The following SLC35F1 variants were observed in gnomAD, a reference collection of about 807,000 sequenced individuals.
SLC35F1 encodes the protein solute carrier family 35 member F1.
Under a neutral mutation model 48.7 loss-of-function variants are expected in SLC35F1, and 14 were observed. The observed-to-expected ratio is 0.29, with a 90% confidence interval of 0.19 to 0.45. SLC35F1 has a LOEUF of 0.45. SLC35F1 is among the 20% of genes least tolerant of loss of function. The probability of loss-of-function intolerance (pLI) is 1.00; values close to 1 mark genes in which losing one functional copy is unlikely to be tolerated. For missense variants in SLC35F1, 404 were observed against 500.0 expected, an observed-to-expected ratio of 0.81 and a Z score of 1.83; for synonymous variants, 190 against 202.2, an observed-to-expected ratio of 0.94 and a Z score of 0.51.
chr6:117,962,191 A>G (rs1395236126), intron 1 of SLC35F1, among the ~76,000 whole-genome samples: 2 of 152,216 alleles, frequency 1.3e-5, no homozygotes, highest in African/African-American at 4.8e-5. Context: ...AACCATATAC[A>G]AGAGGTGAGA....
At chr6:118,193,610 T>A (rs1774761954) in intron 2 of SLC35F1, among the ~76,000 whole-genome samples, 1 of 152,198 alleles carries the variant, frequency 6.6e-6, no homozygotes, top group African/African-American at 2.4e-5. Context: ...ATGTAAAAAT[T>A]TTTTTCAGTG....
At chr6:118,138,566 T>A (rs1773832775) in intron 1 of SLC35F1, among the ~76,000 whole-genome samples, 1 of 152,224 alleles carries the variant, frequency 6.6e-6, no homozygotes, top group Admixed American at 6.5e-5. Flanking sequence ...CCTTTTTCAC[T>A]GTGAGAACTT....
chr6:118,020,658 G>T (rs1422472664), intron 1 of SLC35F1, among the ~76,000 whole-genome samples: 1 of 152,172 alleles, frequency 6.6e-6, no homozygotes, highest in Non-Finnish European at 1.5e-5. Flanking sequence ...TCCCCTTATA[G>T]TACAGATGCA....
intron 7 of SLC35F1, among the ~76,000 whole-genome samples, chr6:118,287,462 C>G (rs1382692137): frequency 6.6e-6 from 1 of 152,204 alleles, no homozygotes; most frequent in African/African-American, 2.4e-5. Flanking sequence ...GCTGCAGTCA[C>G]TGCTTGGGCA....
intron 2 of SLC35F1, among the ~76,000 whole-genome samples, chr6:118,217,776 G>A (rs1775095025): frequency 6.6e-6 from 1 of 152,150 alleles, no homozygotes; most frequent in South Asian, 2.1e-4. Context: ...ATATAAAAGT[G>A]TCATTGCAAC....
At chr6:118,204,876 A>G (rs1024687925) in intron 2 of SLC35F1, among the ~76,000 whole-genome samples, 3 of 152,190 alleles carry the variant, frequency 2.0e-5, no homozygotes, top group Non-Finnish European at 4.4e-5. Context: ...CTGATTAGCC[A>G]CACTAAGCAT....
intron 2 of SLC35F1, among the ~76,000 whole-genome samples, chr6:118,206,874 G>A (rs1774943069): frequency 6.6e-6 from 1 of 152,062 alleles, no homozygotes; most frequent in South Asian, 2.1e-4. Context: ...TTAGCATTTA[G>A]AAAATTCAGG....
chr6:117,981,481 G>T (rs537638435), intron 1 of SLC35F1, among the ~76,000 whole-genome samples: 1 of 152,110 alleles, frequency 6.6e-6, no homozygotes, highest in Non-Finnish European at 1.5e-5. Context: ...TTGTCACAGT[G>T]CATGAGGGAG....
At chr6:118,208,059 CCT>C (rs376210173) in intron 2 of SLC35F1, among the ~76,000 whole-genome samples, 13 of 149,128 alleles carry the variant, frequency 8.7e-5, no homozygotes, top group East Asian at 2.0e-4. Context: ...GAGCCCCCCT[CCT>C]CTCTCTCTCT....
intron 1 of SLC35F1, among the ~76,000 whole-genome samples, chr6:118,084,041 G>A (rs563232331): frequency 6.6e-6 from 1 of 152,300 alleles, no homozygotes; most frequent in East Asian, 1.9e-4. Context: ...AGCCAGATGA[G>A]ATAGAAGTTT....
At chr6:118,278,324 C>G (rs1167424486) in intron 6 of SLC35F1, among the ~76,000 whole-genome samples, 1 of 152,164 alleles carries the variant, frequency 6.6e-6, no homozygotes, top group African/African-American at 2.4e-5. Context: ...AGGGAGGGGG[C>G]TACAGACTCT....
intron 1 of SLC35F1, among the ~76,000 whole-genome samples, chr6:118,005,413 A>AT (rs1777161215): frequency 1.3e-5 from 2 of 151,816 alleles, no homozygotes; most frequent in African/African-American, 2.4e-5. Context: ...TTCTTTATTT[A>AT]TTTTTTCTCT....
intron 7 of SLC35F1, among the ~76,000 whole-genome samples, chr6:118,310,706 T>G (rs1174312539): frequency 6.6e-6 from 1 of 152,120 alleles, no homozygotes; most frequent in Non-Finnish European, 1.5e-5. Flanking sequence ...TCCCATGCTA[T>G]CTATCTTTGG....
intron 1 of SLC35F1, among the ~76,000 whole-genome samples, chr6:117,923,718 CAT>C (rs200367846): frequency 0.098 from 723 of 7,386 alleles, 278 homozygotes; most frequent in East Asian, 0.21. Context: ...TACATATATA[CAT>C]ATATACATAT....
At chr6:118,071,492 A>G (rs1772723394) in intron 1 of SLC35F1, among the ~76,000 whole-genome samples, 5 of 151,946 alleles carry the variant, frequency 3.3e-5, no homozygotes, top group Admixed American at 3.3e-4. Flanking sequence ...TCTCTGCTGC[A>G]CAACTGCCAT....
chr6:118,130,626 C>T (rs892758579), intron 1 of SLC35F1, among the ~76,000 whole-genome samples: 2 of 152,104 alleles, frequency 1.3e-5, no homozygotes, highest in African/African-American at 4.8e-5. Flanking sequence ...TGGCCAATCA[C>T]ATTACACAAT....
chr6:118,235,251 G>T (rs1381369410), intron 2 of SLC35F1, among the ~76,000 whole-genome samples: 3 of 151,994 alleles, frequency 2.0e-5, no homozygotes, highest in Admixed American at 2.0e-4. Context: ...ACACACAAAA[G>T]ATGTTTTGCA....
intron 1 of SLC35F1, among the ~76,000 whole-genome samples, chr6:118,075,934 C>T (rs567259073): frequency 6.6e-6 from 1 of 152,264 alleles, no homozygotes; most frequent in Admixed American, 6.5e-5. Context: ...TCTGATAATG[C>T]TCAGCCTTTG....
At chr6:118,179,306 C>G (rs1554233933) in intron 2 of SLC35F1, among the ~76,000 whole-genome samples, 2 of 152,110 alleles carry the variant, frequency 1.3e-5, no homozygotes, top group African/African-American at 2.4e-5. Context: ...AGTCCAGAAG[C>G]CTGAGAACAG....
Sources: allele counts gnomAD v4.1 joint callset (sites outside exome capture counted in the v4.1 genomes callset), GRCh38; gene constraint gnomAD v4.1.1; transcripts MANE v1.5; gene names NCBI Gene and HGNC (gene_info 2026-07-23, HGNC 2026-07-21).